The following CACNA1A variants were observed in gnomAD, a reference collection of about 807,000 sequenced individuals.
CACNA1A encodes the protein voltage-dependent P/Q-type calcium channel subunit alpha-1A.
CACNA1A carries 57 observed loss-of-function variants against 262.4 expected under a neutral mutation model. The ratio of observed to expected loss-of-function variants is 0.22; its 90% CI spans 0.18 to 0.27. CACNA1A has a LOEUF of 0.27. Ranked by LOEUF, CACNA1A falls within the 10% of genes least tolerant of loss-of-function variation. The pLI is 1.00. For synonymous variants in CACNA1A, 1,431 were observed against 1,419.3 expected (o/e 1.01, Z -0.18); for missense variants, 2,526 against 3,562.8 (o/e 0.71, Z 7.41).
chr19:13,465,689 A>G (rs961833898), intron 1 of CACNA1A, among the ~76,000 whole-genome samples: 3 of 151,934 alleles, frequency 2.0e-5, no homozygotes, highest in Non-Finnish European at 4.4e-5. Context: ...GAGTTTTGCT[A>G]TGTTACCCAG....
At chr19:13,345,520 G>C (rs2058748718) in intron 6 of CACNA1A, among the ~76,000 whole-genome samples, 1 of 152,222 alleles carries the variant, frequency 6.6e-6, no homozygotes, top group South Asian at 2.1e-4. Context: ...TAATGGCTGA[G>C]TCCCAGCAAA....
At chr19:13,441,269 C>T (rs1599462297) in intron 3 of CACNA1A, among the ~76,000 whole-genome samples, 2 of 152,278 alleles carry the variant, frequency 1.3e-5, no homozygotes, top group South Asian at 4.1e-4. Flanking sequence ...ACTATGCTTC[C>T]TTACGTGTCT....
At chr19:13,410,540 C>CTTTTTTT (rs113290275) in intron 3 of CACNA1A, among the ~76,000 whole-genome samples, 4 of 120,710 alleles carry the variant, frequency 3.3e-5, no homozygotes, top group Non-Finnish European at 6.9e-5. Flanking sequence ...ATTCTTTTTT[C>CTTTTTTT]TTTTTTTTTT....
At chr19:13,479,533 C>T (rs1353160488) in intron 1 of CACNA1A, among the ~76,000 whole-genome samples, 1 of 152,048 alleles carries the variant, frequency 6.6e-6, no homozygotes, top group Non-Finnish European at 1.5e-5. Context: ...GTGATCTTCT[C>T]GGGCTTTCTC....
At chr19:13,421,850 G>GC (rs558141008) in intron 3 of CACNA1A, among the ~76,000 whole-genome samples, 51 of 152,294 alleles carry the variant, frequency 3.3e-4, no homozygotes, top group Non-Finnish European at 6.5e-4. Context: ...TGCTCTCTGG[G>GC]CAAAGGAAGT....
chr19:13,369,125 T>C, intron 4 of CACNA1A, among the ~76,000 whole-genome samples: 1 of 151,924 alleles, frequency 6.6e-6, no homozygotes, highest in Non-Finnish European at 1.5e-5. Flanking sequence ...ACTCTTGGTG[T>C]CTGGCCAAGA....
chr19:13,207,136 A>C lies in CACNA1A; in HGVS notation c.*177T>G, dbSNP rs1278186572. 9.5e-6 allele frequency: 6 copies of C among 631,212 alleles called. No individual in the cohort carries two copies. Among genetic ancestry groups the C allele is most frequent in the Non-Finnish European group, 1.2e-5 (5 of 412,570 alleles). 39.1% of individuals were successfully genotyped at this position (631,212 alleles called of 1,614,324 possible). A position where few individuals can be genotyped will look rare whatever the true frequency, so the allele number is the denominator to read the frequency against. ...TGCCCAGGAGGGTCTCTTTTGGCCG[A>C]GGGTCTCTGCGGGACACCCTTGTGG... On this transcript the variant is annotated 3_prime_UTR_variant, in exon 47 of 47. Transcript: ENST00000360228. This position sits in a 1 kb window ranked among gnomAD's most constrained non-coding sequence, Gnocchi z 5.7.
At chr19:13,455,085 C>G (rs932940544) in intron 2 of CACNA1A, 22 bp downstream of exon 2, 1 of 1,462,306 alleles carries the variant, frequency 6.8e-7, no homozygotes, top group South Asian at 1.1e-5. Flanking sequence ...AGGAGAAGAC[C>G]CTGAGAAAAG....
At chr19:13,333,035 G>T in intron 8 of CACNA1A, 110 bp from the exon 9 acceptor site, 1 of 832,170 alleles carries the variant, frequency 1.2e-6, no homozygotes, top group South Asian at 1.6e-5. Context: ...GACTGATGGT[G>T]ACAGCTCAAC....
rs192811647 is a variant in CACNA1A at position 13,275,896 on chromosome 19, G to C, written c.3943C>G (p.Leu1315Val). 6.2e-7 allele frequency: 1 copy of C among 1,613,918 alleles called. No individual in the cohort carries two copies. Among genetic ancestry groups the C allele is most frequent in the Non-Finnish European group, 8.5e-7 (1 of 1,179,824 alleles). The change falls in exon 24 of 47, where the codon CTC becomes GTC. Residue 1315 changes from leucine to valine, a missense_variant. By Grantham distance (32) the Leu-to-Val change is conservative. This residue lies in a region of CACNA1A where 137 missense variants were observed against 377.7 expected (regional missense o/e 0.36). Transcript: ENST00000360228. ...GCCCCACTGACCACTATGAAGTCGAGAATATTCCAGAGGTCACGGAAGTAG... is the reference window on the plus strand; with the variant it reads ...GCCCCACTGACCACTATGAAGTCGACAATATTCCAGAGGTCACGGAAGTAG... ...GAYFRDLWNI[L>V]DFIVVSGALV...
At chr19:13,347,099 C>T (rs10413822) in intron 6 of CACNA1A, among the ~76,000 whole-genome samples, 2,875 of 133,822 alleles carry the variant, frequency 0.021, 101 homozygotes, top group African/African-American at 0.077. Context: ...CTTGCTCTGT[C>T]ATCCGGGCTG....
chr19:13,214,265 C>G lies in CACNA1A; in HGVS notation c.5908G>C (p.Ala1970Pro). The G allele has an allele frequency of 6.2e-7, 1 of 1,611,480 alleles. No homozygotes were observed. Among genetic ancestry groups the G allele is most frequent in the Non-Finnish European group, 8.5e-7 (1 of 1,179,854 alleles). Reference protein sequence around the residue: ...MIMEYYRQSKAKKLQAMREEQ... With the variant: ...MIMEYYRQSKPKKLQAMREEQ... ...TCGCGCATGGCCTGCAGCTTCTTGGCCTTGCTCTGCCGGTAGTACTCCATG... is the reference window on the plus strand; with the variant it reads ...TCGCGCATGGCCTGCAGCTTCTTGGGCTTGCTCTGCCGGTAGTACTCCATG... The change falls in exon 40 of 47, where the codon GCC becomes CCC. Residue 1970 changes from alanine to proline, a missense_variant. Ala to Pro is a conservative substitution (Grantham distance 27). This residue lies in a region of CACNA1A where 929 missense variants were observed against 868.1 expected (regional missense o/e 1.07). Transcript: ENST00000360228. The surrounding 1 kb of genome is among the most constrained non-coding windows in gnomAD (Gnocchi z 4.1).
At chr19:13,405,054 C>G (rs569007956) in intron 3 of CACNA1A, among the ~76,000 whole-genome samples, 15 of 151,866 alleles carry the variant, frequency 9.9e-5, no homozygotes, top group Non-Finnish European at 2.1e-4. Flanking sequence ...CCCGCCACCA[C>G]ACCCGGCTAA....
chr19:13,227,364 AAAAAG>A, intron 37 of CACNA1A, 62 bp downstream of exon 37: 3 of 649,576 alleles, frequency 4.6e-6, no homozygotes, highest in Admixed American at 2.9e-5. Context: ...AGCACTAAAA[AAAAAG>A]AAGAAGAAGA....
chr19:13,292,054 C>T (rs1052119879), intron 19 of CACNA1A, among the ~76,000 whole-genome samples: 2 of 152,110 alleles, frequency 1.3e-5, no homozygotes, highest in Non-Finnish European at 2.9e-5. Flanking sequence ...GCAGATAGGC[C>T]TGGGAGAAGG....
rs1367797948 is a variant in CACNA1A, at chr19:13,325,197, T to TTC, written c.1345+5046_1345+5047insGA. ...TTTCCTCCTCTTCTTCTTCTTCTTC[T>TTC]TTTTTTTTTTTTTAATACAGGCCAG... On this transcript the variant is annotated intron_variant, in intron 10 of 46. Transcript: ENST00000360228. Among the ~76,000 whole-genome samples the TTC allele has an allele frequency of 1.4e-3, 79 of 56,614 alleles. 1 individual carries two copies. The highest frequency in any genetic ancestry group is 6.8e-3 in the African/African-American group (72 of 10,608). 37.1% of individuals were successfully genotyped at this position (56,614 alleles called of 152,430 possible).
Position 13,506,346 on chromosome 19 carries a change from G to C in CACNA1A, c.-122C>G, listed in dbSNP as rs1247251928. The C allele has an allele frequency of 4.6e-6, 4 of 862,450 alleles. No homozygotes were observed. In the African/African-American group the frequency reaches 7.2e-5, roughly 16 times the overall value. The allele number at this position is 862,450 out of a possible 1,614,324, so 53.4% of individuals were successfully genotyped here. A position where few individuals can be genotyped will look rare whatever the true frequency, so the allele number is the denominator to read the frequency against. On this transcript the variant is annotated 5_prime_UTR_variant, in exon 1 of 47. Transcript: ENST00000360228. ...CTGGGAGCGCGGCGGCTGGAGCTACGACTGCGGAGACGCTCCACGGCCCAG... is the reference window on the plus strand; with the variant it reads ...CTGGGAGCGCGGCGGCTGGAGCTACCACTGCGGAGACGCTCCACGGCCCAG...
intron 6 of CACNA1A, among the ~76,000 whole-genome samples, chr19:13,341,595 G>A (rs768667693): frequency 6.6e-6 from 1 of 151,938 alleles, no homozygotes. Flanking sequence ...GTCCTACCTC[G>A]GCCCTTGCAC....
At chr19:13,366,422 C>T (rs111508984) in intron 4 of CACNA1A, 4,619 of 151,954 alleles carry the variant, frequency 0.03, 230 homozygotes, top group African/African-American at 0.1. Flanking sequence ...GCCACTGCGC[C>T]CCAGCCTGAG....
Sources: allele counts gnomAD v4.1 joint callset (sites outside exome capture counted in the v4.1 genomes callset), GRCh38; gene constraint gnomAD v4.1.1; regional missense constraint gnomAD v4.1.1; non-coding constraint Gnocchi (gnomAD v3.1); transcripts MANE v1.5; gene names NCBI Gene and HGNC (gene_info 2026-07-23, HGNC 2026-07-21).